Variants in LAMA2 observed in about 807,000 individuals in gnomAD.
LAMA2 encodes laminin subunit alpha 2.
Under a neutral mutation model 364.8 loss-of-function variants are expected in LAMA2, and 269 were observed. The observed-to-expected ratio is 0.74, with a 90% CI of 0.67 to 0.82. The LOEUF (loss-of-function observed/expected upper bound fraction) is 0.82. LAMA2 is among the 40% of genes least tolerant of loss of function. The pLI is 0.00. For missense variants in LAMA2, 3,807 were observed against 3,873.2 expected (o/e 0.98, Z 0.45); for synonymous variants, 1,379 against 1,370.6 (o/e 1.01, Z -0.14).
At chr6:129,207,642 G>A (rs775133290) in intron 12 of LAMA2, among the ~76,000 whole-genome samples, 9 of 151,902 alleles carry the variant, frequency 5.9e-5, no homozygotes, top group Non-Finnish European at 7.4e-5. Context: ...CTGAAATTTG[G>A]TAAGTTCCAT....
chr6:129,491,917 G>A lies in LAMA2; in HGVS notation c.7915G>A (p.Val2639Met), dbSNP rs529243138. Residue 2639 changes from valine (V) to methionine (M), a missense_variant, in exon 57 of 65, where the codon GTG becomes ATG. This residue lies in a region of LAMA2 where 3,333 missense variants were observed against 3,345.7 expected (regional missense o/e 1.00). Coordinates refer to ENST00000421865, the MANE Select transcript of LAMA2 (RefSeq NM_000426.4). ...TTTTATCAGCATCTTTACAGTTCAAGTGGATGAAAACAGAAGATACATGCA... is the reference window on the plus strand; with the variant it reads ...TTTTATCAGCATCTTTACAGTTCAAATGGATGAAAACAGAAGATACATGCA... ...ERTRGIFTVQ[V>M]DENRRYMQNL... 1.2e-6 allele frequency: 2 copies of A among 1,612,304 alleles called. No individual in the cohort carries two copies. The highest frequency in any genetic ancestry group is 1.3e-5 in the African/African-American group (1 of 75,034).
At chr6:129,396,651 C>G (rs1468927748) in intron 37 of LAMA2, among the ~76,000 whole-genome samples, 1 of 152,036 alleles carries the variant, frequency 6.6e-6, no homozygotes, top group Non-Finnish European at 1.5e-5. Flanking sequence ...AAAGAGAAGA[C>G]AAATATTTCA....
chr6:129,374,539 T>G (rs1194561376), intron 34 of LAMA2, among the ~76,000 whole-genome samples: 1 of 151,986 alleles, frequency 6.6e-6, no homozygotes, highest in Non-Finnish European at 1.5e-5. Flanking sequence ...TAGCTAAGAC[T>G]CTCTTCCCTC....
Position 129,314,738 on chromosome 6 carries a change from C to T in LAMA2, c.3495C>T (p.Ser1165=), listed in dbSNP as rs1294138980. 1.9e-6 allele frequency: 3 copies of T among 1,614,008 alleles called. No individual in the cohort carries two copies. Among genetic ancestry groups the T allele is most frequent in the Non-Finnish European group, 2.5e-6 (3 of 1,180,036 alleles). The change falls in exon 24 of 65, where the codon AGC becomes AGT. Residue 1165 remains serine (S), a synonymous_variant. Coordinates refer to ENST00000421865, the MANE Select transcript of LAMA2 (RefSeq NM_000426.4). The part of the protein sequence containing the change: ...LDAKNPLGCS[S]CYCFGTTTQC... ...CCAAGAATCCACTTGGCTGCAGCAGCTGCTATTGCTTCGGCACTACTACCC... is the reference window on the plus strand; with the variant it reads ...CCAAGAATCCACTTGGCTGCAGCAGTTGCTATTGCTTCGGCACTACTACCC...
At chr6:128,936,884 A>G (rs1352620482) in intron 1 of LAMA2, among the ~76,000 whole-genome samples, 1 of 152,170 alleles carries the variant, frequency 6.6e-6, no homozygotes, top group Non-Finnish European at 1.5e-5. Flanking sequence ...TTATTGAGCT[A>G]TGACAATGTT....
chr6:129,023,993 C>T (rs1785628713), intron 1 of LAMA2, among the ~76,000 whole-genome samples: 1 of 152,028 alleles, frequency 6.6e-6, no homozygotes, highest in Non-Finnish European at 1.5e-5. Flanking sequence ...CTGAATGCTC[C>T]TAAGCTAGAT....
At chr6:129,449,417 G>T (rs1668619149) in intron 45 of LAMA2, among the ~76,000 whole-genome samples, 1 of 152,156 alleles carries the variant, frequency 6.6e-6, no homozygotes, top group African/African-American at 2.4e-5. Context: ...TGGCAGAAGA[G>T]CAAGAGAGAG....
At chr6:129,158,466 C>A in intron 8 of LAMA2, 2 of 1,613,802 alleles carry the variant, frequency 1.2e-6, no homozygotes, top group South Asian at 1.1e-5. Context: ...TAGTCCAGAC[C>A]CACTACCAGA....
intron 34 of LAMA2, among the ~76,000 whole-genome samples, chr6:129,374,477 A>G (rs1583601097): frequency 6.6e-6 from 1 of 152,134 alleles, no homozygotes; most frequent in Non-Finnish European, 1.5e-5. Flanking sequence ...GATATTCAAG[A>G]ACTCCCCAGA....
In LAMA2 at chr6:129,391,873, A is replaced by G. The variant is rs530943462; in HGVS notation, c.5234+220A>G. Among the ~76,000 whole-genome samples the G allele has an allele frequency of 2.6e-5, 4 of 152,206 alleles. No individual in the cohort carries two copies. The East Asian group carries it at 7.7e-4, about 29-fold the overall frequency. ...TTTACTTATTTAATTGTACTTTACC[A>G]TTGTTCCAAAATGAATCAAAAGCAT... is the stretch of plus-strand genomic sequence containing the variant. On this transcript the variant is annotated intron_variant, in intron 36 of 64. Coordinates refer to ENST00000421865, the MANE Select transcript of LAMA2 (RefSeq NM_000426.4).
At chr6:129,456,308 C>T (rs748883854) in intron 47 of LAMA2, 27 bp from the exon 48 acceptor site, 1 of 1,608,182 alleles carries the variant, frequency 6.2e-7, no homozygotes, top group South Asian at 1.1e-5. Flanking sequence ...ATGTTCCTCC[C>T]CTTCACTTCA....
At chr6:128,984,747 G>C (rs1783111957) in intron 1 of LAMA2, among the ~76,000 whole-genome samples, 1 of 150,660 alleles carries the variant, frequency 6.6e-6, no homozygotes, top group Non-Finnish European at 1.5e-5. Context: ...TAGCCATTTT[G>C]ATGGCAACAC....
intron 1 of LAMA2, among the ~76,000 whole-genome samples, chr6:128,953,015 A>G (rs993459137): frequency 1.3e-4 from 20 of 152,164 alleles, no homozygotes; most frequent in African/African-American, 4.6e-4. Flanking sequence ...TTAGCAGTTT[A>G]AATCGGAGGA....
chr6:129,187,104 T>C lies in LAMA2; in HGVS notation c.1468-3101T>C, dbSNP rs150752000. On this transcript the variant is annotated intron_variant, in intron 10 of 64. Coordinates refer to ENST00000421865, the MANE Select transcript of LAMA2 (RefSeq NM_000426.4). ...GATGGCTTCACTTTCAAGCTGGGAA[T>C]CAAAAAACTTTAAGTGCTAGAATAT... is the stretch of plus-strand genomic sequence containing the variant. Among the ~76,000 whole-genome samples the C allele has an allele frequency of 3.4e-3, 515 of 151,912 alleles. 3 individuals carry two copies. The highest frequency in any genetic ancestry group is 0.012 in the African/African-American group (483 of 41,506).
At chr6:129,207,081 C>G (rs1782726317) in intron 12 of LAMA2, among the ~76,000 whole-genome samples, 1 of 152,220 alleles carries the variant, frequency 6.6e-6, no homozygotes, top group African/African-American at 2.4e-5. Context: ...AGATCGACAG[C>G]AGTGACAGCC....
At position 129,355,340 on chromosome 6, in the gene LAMA2, G is replaced by A. The variant is rs73587374; in HGVS notation, c.4717+1983G>A. 7.5e-3 allele frequency among the ~76,000 whole-genome samples: 1,136 copies of A among 151,916 alleles called. 17 individuals are homozygous for A. Among genetic ancestry groups the A allele is most frequent in the African/African-American group, 0.026 (1,071 of 41,418 alleles). On this transcript the variant is annotated intron_variant, in intron 32 of 64. Transcript: ENST00000421865. ...TTTCTCTTCTTCTAAAATTTCTCCC[G>A]TTATGGAAAAATATGCCATGATTCT...
At chr6:128,976,024 A>G (rs1782509321) in intron 1 of LAMA2, among the ~76,000 whole-genome samples, 1 of 152,220 alleles carries the variant, frequency 6.6e-6, no homozygotes, top group Non-Finnish European at 1.5e-5. Flanking sequence ...TGGAAAATGA[A>G]TTGGAAAAGT....
intron 1 of LAMA2, among the ~76,000 whole-genome samples, chr6:128,890,335 A>G (rs531010341): frequency 4.6e-5 from 7 of 152,284 alleles, no homozygotes; most frequent in African/African-American, 1.7e-4. Context: ...TTAGAATTAG[A>G]AATTAAATTA....
In LAMA2 at chr6:129,486,521, C is replaced by T. The variant is rs1163676923; in HGVS notation, c.7797C>T (p.Leu2599=). Reference sequence around the variant, plus strand: ...ACAGGGGCCGTCTGGAAGTGCATCTCTCCACAGGGGCACGAACAATGAGGA... The same window carrying T: ...ACAGGGGCCGTCTGGAAGTGCATCTTTCCACAGGGGCACGAACAATGAGGA... ...LLNRGRLEVH[L]STGARTMRKI... Residue 2599 remains leucine, a synonymous_variant, in exon 56 of 65, where the codon CTC becomes CTT. Transcript: ENST00000421865. 6.2e-7 allele frequency: 1 copy of T among 1,613,760 alleles called. No individual in the cohort carries two copies. The highest frequency in any genetic ancestry group is 2.2e-5 in the East Asian group (1 of 44,850).
Sources: allele counts gnomAD v4.1 joint callset (sites outside exome capture counted in the v4.1 genomes callset), GRCh38; gene constraint gnomAD v4.1.1; regional missense constraint gnomAD v4.1.1; transcripts MANE v1.5; gene names NCBI Gene and HGNC (gene_info 2026-07-23, HGNC 2026-07-21).